Variants in FYB1 observed in about 807,000 individuals in gnomAD.
The protein encoded by FYB1 is FYN binding protein 1.
In FYB1, 41 loss-of-function variants were observed where a neutral mutation model predicts 94.1. That is an observed-to-expected ratio of 0.44 (90% CI 0.34 to 0.57). The LOEUF (loss-of-function observed/expected upper bound fraction) is 0.57. Ranked by LOEUF, FYB1 falls within the 20% of genes least tolerant of loss-of-function variation. FYB1 has a pLI of 0.02. For missense variants in FYB1, 1,050 were observed against 976.8 expected (o/e 1.07, Z -1.00); for synonymous variants, 367 against 353.2 (o/e 1.04, Z -0.44).
At position 39,154,799 on chromosome 5, in the gene FYB1, G is replaced by A. The variant is rs539379012; in HGVS notation, c.1136-1195C>T. 5.3e-5 allele frequency among the ~76,000 whole-genome samples: 8 copies of A among 152,138 alleles called. No homozygotes were observed. In the East Asian group the frequency reaches 1.5e-3, roughly 29 times the overall value. ...AGTAGAGACAGGGTTTCACTGTGTT[G>A]ACCAGGCTGGTCTTGAACTCTTGAC... On this transcript the variant is annotated intron_variant, in intron 2 of 18. Coordinates refer to ENST00000512982, the MANE Select transcript of FYB1 (RefSeq NM_001465.6).
At chr5:39,195,895 G>T (rs74511167) in intron 2 of FYB1, among the ~76,000 whole-genome samples, 2 of 151,700 alleles carry the variant, frequency 1.3e-5, no homozygotes, top group East Asian at 3.9e-4. Flanking sequence ...TTGATATTTT[G>T]GGTTTTTTTA....
chr5:39,190,185 G>A (rs963412586), intron 2 of FYB1, among the ~76,000 whole-genome samples: 1 of 152,168 alleles, frequency 6.6e-6, no homozygotes, highest in East Asian at 1.9e-4. Context: ...TCTTCAAATG[G>A]ATTGCTCCAT....
intron 1 of FYB1, among the ~76,000 whole-genome samples, chr5:39,231,758 T>TTTTTTTTTTTTTTTTTTGAGA (rs1561294607): frequency 3.3e-5 from 5 of 152,030 alleles, no homozygotes; most frequent in African/African-American, 1.2e-4. Flanking sequence ...TATTTCTCTT[T>TTTTTTTTTTTTTTTTTTGAGA]CACAGAGGGG....
chr5:39,198,764 G>A (rs944573169), intron 2 of FYB1, among the ~76,000 whole-genome samples: 1 of 152,072 alleles, frequency 6.6e-6, no homozygotes, highest in Non-Finnish European at 1.5e-5. Context: ...TATATTAAAC[G>A]TGTTTTCAGT....
chr5:39,118,981 G>A lies in FYB1; in HGVS notation c.2294C>T (p.Ser765Phe), dbSNP rs527371096. ...TAGATCTCTGGTTCCCCACTTTTTA[G>A]AAGTTATGGAAGTTGTAACTTTAGT... is the stretch of plus-strand genomic sequence containing the variant. Reference protein sequence around the residue: ...YSTKVTTSITSKKWGTRDLQV... With the variant: ...YSTKVTTSITFKKWGTRDLQV... The change falls in exon 16 of 19, where the codon TCT (serine) becomes TTT (phenylalanine). Residue 765 changes from serine (S) to phenylalanine (F), a missense_variant. Physicochemically the swap from Ser to Phe is radical, Grantham distance 155. Transcript: ENST00000512982. The A allele has an allele frequency of 4.5e-6, 7 of 1,544,980 alleles. No individual in the cohort carries two copies. The South Asian group carries it at 4.9e-5, about 11-fold the overall frequency.
chr5:39,230,428 A>G (rs917363712), intron 1 of FYB1, among the ~76,000 whole-genome samples: 12 of 152,262 alleles, frequency 7.9e-5, no homozygotes, highest in African/African-American at 2.9e-4. Context: ...CTCTGCCCAC[A>G]CCTCAGAGGC....
chr5:39,188,533 T>C lies in FYB1; in HGVS notation c.1135+13293A>G, dbSNP rs115177762. Among the ~76,000 whole-genome samples the C allele has an allele frequency of 5.0e-3, 572 of 113,798 alleles. 7 individuals carry two copies. The highest frequency in any genetic ancestry group is 0.019 in the African/African-American group (549 of 29,612). 74.7% of individuals were successfully genotyped at this position (113,798 alleles called of 152,430 possible). On this transcript the variant is annotated intron_variant, in intron 2 of 18. Coordinates refer to ENST00000512982, the MANE Select transcript of FYB1 (RefSeq NM_001465.6). ...CCCCACTCTAATCCTTCTCATCAAC[T>C]ACAGCACTTTTTTTTTTTTTTTTTT...
intron 7 of FYB1, among the ~76,000 whole-genome samples, chr5:39,136,328 C>G (rs1741676938): frequency 6.6e-6 from 1 of 152,102 alleles, no homozygotes; most frequent in Non-Finnish European, 1.5e-5. Flanking sequence ...CTCGGCCTCC[C>G]AAAGTGCTGG....
chr5:39,179,380 GA>G (rs1327218635), intron 2 of FYB1, among the ~76,000 whole-genome samples: 1 of 151,336 alleles, frequency 6.6e-6, no homozygotes, highest in Non-Finnish European at 1.5e-5. Flanking sequence ...GGTAGAGTAA[GA>G]AAAAAAATAA....
At chr5:39,248,542 A>C (rs1751580244) in intron 1 of FYB1, among the ~76,000 whole-genome samples, 1 of 152,166 alleles carries the variant, frequency 6.6e-6, no homozygotes, top group Non-Finnish European at 1.5e-5. Context: ...AGCCAATCAC[A>C]AAACAGCAAG....
Position 39,119,730 on chromosome 5 carries a change from T to A in FYB1, c.2139-96A>T, listed in dbSNP as rs1054168928. ...CGATTCATAGCATTATATTTTTAAC[T>A]TTTTGTTTCAGTTAATTCTTTTTGT... is the stretch of plus-strand genomic sequence containing the variant. On this transcript the variant is annotated intron_variant, in intron 14 of 18. Coordinates refer to ENST00000512982, the MANE Select transcript of FYB1 (RefSeq NM_001465.6). 7.8e-6 allele frequency: 10 copies of A among 1,277,674 alleles called. 1 individual carries two copies. The highest frequency in any genetic ancestry group is 8.0e-5 in the Admixed American group (2 of 24,972). 79.1% of individuals were successfully genotyped at this position (1,277,674 alleles called of 1,614,324 possible).
At chr5:39,241,380 T>A (rs1332875899) in intron 1 of FYB1, among the ~76,000 whole-genome samples, 1 of 152,142 alleles carries the variant, frequency 6.6e-6, no homozygotes, top group Non-Finnish European at 1.5e-5. Flanking sequence ...CCTATGAGTC[T>A]GGTCCATGGA....
intron 1 of FYB1, among the ~76,000 whole-genome samples, chr5:39,210,581 G>A (rs1336454200): frequency 2.0e-5 from 3 of 152,190 alleles, no homozygotes; most frequent in African/African-American, 7.2e-5. Flanking sequence ...TCAGGAGCGG[G>A]ACAATCATCA....
intron 1 of FYB1, among the ~76,000 whole-genome samples, chr5:39,227,234 A>G (rs191855293): frequency 6.6e-6 from 1 of 150,590 alleles, no homozygotes; most frequent in South Asian, 2.1e-4. Context: ...AGTGTAATAC[A>G]TAACTCTTGG....
intron 2 of FYB1, among the ~76,000 whole-genome samples, chr5:39,175,335 C>T (rs1282913794): frequency 6.6e-6 from 1 of 152,152 alleles, no homozygotes; most frequent in Non-Finnish European, 1.5e-5. Flanking sequence ...TTGGAGAAGA[C>T]TCCGGTTGAT....
At chr5:39,164,871 A>G (rs1255876004) in intron 2 of FYB1, among the ~76,000 whole-genome samples, 1 of 152,258 alleles carries the variant, frequency 6.6e-6, no homozygotes, top group East Asian at 1.9e-4. Context: ...GGGACAAATT[A>G]GACCATTAGA....
chr5:39,217,997 A>T (rs1203495431), intron 1 of FYB1, among the ~76,000 whole-genome samples: 1 of 152,222 alleles, frequency 6.6e-6, no homozygotes, highest in Non-Finnish European at 1.5e-5. Context: ...AAGCAGCCGT[A>T]ACTTGGCAAG....
At chr5:39,115,424 A>G (rs776377663) in intron 16 of FYB1, among the ~76,000 whole-genome samples, 1 of 152,160 alleles carries the variant, frequency 6.6e-6, no homozygotes, top group Non-Finnish European at 1.5e-5. Flanking sequence ...GGGAATGACA[A>G]GTAAATAGTT....
chr5:39,245,451 G>T (rs531894684), intron 1 of FYB1, among the ~76,000 whole-genome samples: 105 of 152,182 alleles, frequency 6.9e-4, no homozygotes, highest in South Asian at 6.4e-3. Flanking sequence ...GCTTTTGAAT[G>T]GGTTCTAGCT....
Sources: allele counts gnomAD v4.1 joint callset (sites outside exome capture counted in the v4.1 genomes callset), GRCh38; gene constraint gnomAD v4.1.1; transcripts MANE v1.5; gene names NCBI Gene and HGNC (gene_info 2026-07-23, HGNC 2026-07-21).